The following AGO1 variants were observed in gnomAD, a reference collection of about 807,000 sequenced individuals.
The protein encoded by AGO1 is protein argonaute-1.
Under a neutral mutation model 109.2 loss-of-function variants are expected in AGO1, and 11 were observed. The observed-to-expected ratio is 0.10, with a 90% CI of 0.06 to 0.17. AGO1 has a LOEUF of 0.17. AGO1 is among the 10% of genes least tolerant of loss of function. AGO1 has a pLI of 1.00. For missense variants in AGO1, 574 were observed against 1,140.3 expected, an observed-to-expected ratio of 0.50 and a Z score of 7.15; for synonymous variants, 422 against 418.6, an observed-to-expected ratio of 1.01 and a Z score of -0.10.
chr1:35,880,387 C>T (rs1456851802), upstream of AGO1, among the ~76,000 whole-genome samples: 3 of 151,976 alleles, frequency 2.0e-5, no homozygotes, highest in Non-Finnish European at 4.4e-5. Context: ...CTCATCTCTA[C>T]AATAAGTAAG....
At position 35,925,414 on chromosome 1, in the gene AGO1, A is replaced by G. The variant is rs1029459149; in HGVS notation, c.*5807A>G. The G allele has an allele frequency of 6.7e-6, 1 of 148,534 alleles. No homozygotes were observed. Among genetic ancestry groups the G allele is most frequent in the African/African-American group, 2.5e-5 (1 of 39,874 alleles). The allele number at this position is 148,534 out of a possible 1,614,324, so 9.2% of individuals were successfully genotyped here. ...CAAAACCTAATTTTGTTCCTAGCCA[A>G]TATTATAAACCATGTTCCAGCATAC... On this transcript the variant is annotated 3_prime_UTR_variant, in exon 19 of 19. Transcript: ENST00000373204.
intron 8 of AGO1, among the ~76,000 whole-genome samples, chr1:35,900,894 C>T (rs180986182): frequency 2.6e-4 from 39 of 151,686 alleles, no homozygotes; most frequent in African/African-American, 8.5e-4. Context: ...GGTAACAGAG[C>T]GAGACTCTAT....
At chr1:35,900,414 A>G (rs187210201) in intron 8 of AGO1, among the ~76,000 whole-genome samples, 4 of 152,292 alleles carry the variant, frequency 2.6e-5, no homozygotes, top group East Asian at 1.9e-4. Context: ...CAACTCTTAG[A>G]TTGTTACTAT....
rs1385353517 is a variant in AGO1 at position 35,888,509 on chromosome 1, C to G, written c.108C>G (p.Ile36Met). ...GCATTGGCACTGTGGGGAAACCAAT[C>G]AAGCTCCTGGCCAATTACTTTGAGG... Reference protein sequence around the residue: ...RPGIGTVGKPIKLLANYFEVD... With the variant: ...RPGIGTVGKPMKLLANYFEVD... Residue 36 changes from isoleucine to methionine, a missense_variant, in exon 2 of 19, where the codon ATC (isoleucine) becomes ATG (methionine). Physicochemically the swap from Ile to Met is conservative, Grantham distance 10 (BLOSUM62 1). Around this residue, in one of 8 missense-constraint regions of AGO1, gnomAD observed 89 missense variants for 109.6 expected, o/e 0.81. Transcript: ENST00000373204. The surrounding 1 kb of genome is among the most constrained non-coding windows in gnomAD (Gnocchi z 4.1). 1 of 1,614,124 alleles carries G rather than the reference C, an allele frequency of 6.2e-7. No individual in the cohort carries two copies. Among genetic ancestry groups the G allele is most frequent in the Non-Finnish European group, 8.5e-7 (1 of 1,180,050 alleles).
rs544128446 is a variant in AGO1 at position 35,912,458 on chromosome 1, A to G, written c.1583-1384A>G. Among the ~76,000 whole-genome samples the G allele has an allele frequency of 5.3e-5, 8 of 151,950 alleles. No homozygotes were observed. In the South Asian group the frequency reaches 1.5e-3, roughly 28 times the overall value. On this transcript the variant is annotated intron_variant, in intron 12 of 18. Coordinates refer to ENST00000373204, the MANE Select transcript of AGO1 (RefSeq NM_012199.5). ...TCCATTTCAGACTACTCTTTTGAGC[A>G]TCGAACCATGAGGCCCATTTGCTTA...
chr1:35,919,657 A>C lies in AGO1; in HGVS notation c.*50A>C. ...GATAGAAGAAAGCTTTCCAAGCCCC[A>C]GGAGCTGTGCCACCCAAATCCAGAG... On this transcript the variant is annotated 3_prime_UTR_variant, in exon 19 of 19. Coordinates refer to ENST00000373204, the MANE Select transcript of AGO1 (RefSeq NM_012199.5). The surrounding 1 kb of genome is among the most constrained non-coding windows in gnomAD (Gnocchi z 6.6). 1 of 1,553,646 alleles carries C rather than the reference A, an allele frequency of 6.4e-7. No homozygotes were observed.
chr1:35,901,027 G>T lies in AGO1; in HGVS notation c.1021-447G>T, dbSNP rs1029109445. 1.3e-5 allele frequency among the ~76,000 whole-genome samples: 2 copies of T among 150,938 alleles called. No individual in the cohort carries two copies. The highest frequency in any genetic ancestry group is 1.3e-4 in the Admixed American group (2 of 15,184). On this transcript the variant is annotated intron_variant, in intron 8 of 18. Transcript: ENST00000373204. The surrounding 1 kb of genome is among the most constrained non-coding windows in gnomAD (Gnocchi z 4.8). ...GACAGGGTCTCACTCTGTCACCCAG[G>T]CTGGCGTTCAGTGGCGTGATCTGGG...
At chr1:35,909,287 AT>A (rs1231964327) in intron 12 of AGO1, among the ~76,000 whole-genome samples, 1 of 152,222 alleles carries the variant, frequency 6.6e-6, no homozygotes, top group Non-Finnish European at 1.5e-5. Context: ...TACTGGAATG[AT>A]TGCTGGTTCT....
chr1:35,884,810 C>A (rs1478431940), intron 1 of AGO1, among the ~76,000 whole-genome samples: 1 of 152,106 alleles, frequency 6.6e-6, no homozygotes, highest in East Asian at 1.9e-4. Flanking sequence ...GGTGGTGATA[C>A]CTCTTGTGTC....
At chr1:35,881,350 C>G (rs748887051), upstream of AGO1, among the ~76,000 whole-genome samples, 15 of 151,822 alleles carry the variant, frequency 9.9e-5, no homozygotes, top group South Asian at 2.1e-4. Flanking sequence ...GACGGAGTTT[C>G]ACTCTTGTTG....
At position 35,926,192 on chromosome 1, in the gene AGO1, T is replaced by C. The variant is rs1645923803; in HGVS notation, c.*6585T>C. The C allele has an allele frequency of 6.6e-6, 1 of 152,212 alleles. No individual in the cohort carries two copies. Among genetic ancestry groups the C allele is most frequent in the Admixed American group, 6.5e-5 (1 of 15,284 alleles). 9.4% of individuals were successfully genotyped at this position (152,212 alleles called of 1,614,324 possible). A position where few individuals can be genotyped will look rare whatever the true frequency, so the allele number is the denominator to read the frequency against. Reference sequence around the variant, plus strand: ...AGGATGATTATGGCAAATTTTGCTATAAACTTTAGTTTTAGAAAAGATTGA... The same window carrying C: ...AGGATGATTATGGCAAATTTTGCTACAAACTTTAGTTTTAGAAAAGATTGA... On this transcript the variant is annotated 3_prime_UTR_variant, in exon 19 of 19. Transcript: ENST00000373204.
At chr1:35,890,464 A>G (rs1645197826) in intron 2 of AGO1, among the ~76,000 whole-genome samples, 1 of 152,190 alleles carries the variant, frequency 6.6e-6, no homozygotes. Flanking sequence ...ACTTAACAAT[A>G]TATTTTTGAA....
intron 12 of AGO1, among the ~76,000 whole-genome samples, chr1:35,912,200 A>G (rs1307597565): frequency 2.0e-5 from 3 of 151,858 alleles, no homozygotes; most frequent in African/African-American, 7.3e-5. Flanking sequence ...TACTAAAAAC[A>G]TACAAAAAAT....
At chr1:35,881,438 A>T (rs2148705150), upstream of AGO1, among the ~76,000 whole-genome samples, 3 of 152,250 alleles carry the variant, frequency 2.0e-5, no homozygotes, top group Middle Eastern at 0.01. Flanking sequence ...CTCCTGCCTT[A>T]GCCTCCTGAG....
intron 1 of AGO1, among the ~76,000 whole-genome samples, chr1:35,875,362 AC>A (rs1301257485): frequency 3.3e-5 from 5 of 152,162 alleles, no homozygotes; most frequent in African/African-American, 1.2e-4. Flanking sequence ...AAGTGGAACA[AC>A]AAAGCCTGGA....
At chr1:35,884,129 C>T (rs912776439) in intron 1 of AGO1, among the ~76,000 whole-genome samples, 3 of 149,036 alleles carry the variant, frequency 2.0e-5, no homozygotes, top group African/African-American at 2.5e-5. Context: ...AAAAGGAGCG[C>T]GCTGATGGGG....
At chr1:35,913,730 T>C (rs753471330) in intron 12 of AGO1, 112 bp from the exon 13 acceptor site, 4 of 1,103,872 alleles carry the variant, frequency 3.6e-6, no homozygotes, top group East Asian at 2.4e-5. Context: ...AAGGACCTTA[T>C]GTGTTTCCTG....
intron 12 of AGO1, among the ~76,000 whole-genome samples, chr1:35,909,018 A>G (rs775594232): frequency 5.7e-4 from 86 of 152,096 alleles, no homozygotes; most frequent in Non-Finnish European, 6.0e-4. Context: ...GAGTTTCGCC[A>G]TGTTGGCCAG....
At chr1:35,885,787 C>T (rs142773542) in intron 1 of AGO1, among the ~76,000 whole-genome samples, 52 of 152,314 alleles carry the variant, frequency 3.4e-4, no homozygotes, top group Non-Finnish European at 6.2e-4. Flanking sequence ...TAGCAAGTGC[C>T]TAGTGTATAG....
Sources: allele counts gnomAD v4.1 joint callset (sites outside exome capture counted in the v4.1 genomes callset), GRCh38; gene constraint gnomAD v4.1.1; regional missense constraint gnomAD v4.1.1; non-coding constraint Gnocchi (gnomAD v3.1); transcripts MANE v1.5; gene names NCBI Gene and HGNC (gene_info 2026-07-23, HGNC 2026-07-21).